The following LRMDA variants were observed in gnomAD, a reference collection of about 807,000 sequenced individuals.
The protein encoded by LRMDA is leucine-rich melanocyte differentiation-associated protein.
LRMDA carries 18 observed loss-of-function variants against 29.8 expected under a neutral mutation model. The ratio of observed to expected loss-of-function variants is 0.60; its 90% confidence interval spans 0.42 to 0.90. LRMDA has a LOEUF of 0.90. Among genes scored for constraint, LRMDA ranks in the 40% least tolerant of loss-of-function variants. LRMDA has a pLI of 0.00. For synonymous variants in LRMDA, 125 were observed against 109.4 expected, an observed-to-expected ratio of 1.14 and a Z score of -0.89; for missense variants, 273 against 273.9, an observed-to-expected ratio of 1.00 and a Z score of 0.02.
intron 2 of LRMDA, among the ~76,000 whole-genome samples, chr10:75,910,838 G>C (rs764744853): frequency 6.6e-6 from 1 of 152,144 alleles, no homozygotes; most frequent in Non-Finnish European, 1.5e-5. Flanking sequence ...GGATACTTCT[G>C]TCCAGGCAAA....
In LRMDA at chr10:75,770,250, C is replaced by T. The variant is rs375801646; in HGVS notation, c.132-265758C>T. ...AGGTGGCATTGAGTTCTGATCTCAC[C>T]ACTGCACTCCAGCCTGGGTGTCTGA... On this transcript the variant is annotated intron_variant, in intron 2 of 6. Transcript: ENST00000611255. Among the ~76,000 whole-genome samples, 18 of 152,184 alleles carry T rather than the reference C, an allele frequency of 1.2e-4. No homozygotes were observed. In the East Asian group the frequency reaches 2.3e-3, roughly 20 times the overall value.
chr10:75,821,607 A>G (rs1844159783), intron 2 of LRMDA, among the ~76,000 whole-genome samples: 2 of 152,038 alleles, frequency 1.3e-5, no homozygotes, highest in African/African-American at 4.8e-5. Context: ...ATCTGTACTA[A>G]AAATACAAAA....
At chr10:76,362,627 C>A (rs935202983) in intron 6 of LRMDA, among the ~76,000 whole-genome samples, 3 of 152,100 alleles carry the variant, frequency 2.0e-5, no homozygotes, top group African/African-American at 7.2e-5. Context: ...TGGGGTTGGG[C>A]TTCAAATGTA....
At chr10:76,325,536 G>A (rs1479632610) in intron 6 of LRMDA, among the ~76,000 whole-genome samples, 3 of 152,126 alleles carry the variant, frequency 2.0e-5, no homozygotes, top group Non-Finnish European at 2.9e-5. Flanking sequence ...CCTTTTGAAG[G>A]TCTTAAGCAT....
intron 5 of LRMDA, among the ~76,000 whole-genome samples, chr10:76,104,247 C>T (rs1048188723): frequency 3.3e-5 from 5 of 152,104 alleles, no homozygotes; most frequent in African/African-American, 4.8e-5. Flanking sequence ...TCTCCAGGGA[C>T]GGCACTATGC....
intron 5 of LRMDA, among the ~76,000 whole-genome samples, chr10:76,146,096 G>T (rs1850312288): frequency 6.6e-6 from 1 of 152,136 alleles, no homozygotes; most frequent in East Asian, 1.9e-4. Flanking sequence ...TTGCTGAGGA[G>T]TGCTTTACTT....
chr10:76,383,595 T>G (rs1342403414), intron 6 of LRMDA, among the ~76,000 whole-genome samples: 4 of 147,218 alleles, frequency 2.7e-5, no homozygotes, highest in Non-Finnish European at 5.9e-5. Flanking sequence ...CACGCCCGGC[T>G]AATTTTTTGT....
chr10:75,900,949 C>A (rs1294246408), intron 2 of LRMDA, among the ~76,000 whole-genome samples: 1 of 152,116 alleles, frequency 6.6e-6, no homozygotes, highest in Non-Finnish European at 1.5e-5. Flanking sequence ...ATACTTGATG[C>A]CAGACATTCA....
intron 2 of LRMDA, among the ~76,000 whole-genome samples, chr10:75,938,955 G>A: frequency 6.6e-6 from 1 of 152,206 alleles, no homozygotes; most frequent in Non-Finnish European, 1.5e-5. Flanking sequence ...GAGGAGGGAA[G>A]CAGCGAACTG....
At position 76,368,349 on chromosome 10, in the gene LRMDA, G is replaced by A. The variant is rs556991978; in HGVS notation, c.601+43864G>A. On this transcript the variant is annotated intron_variant, in intron 6 of 6. Transcript: ENST00000611255. ...TTTTTTTAATTTCCATTTTGATTTC[G>A]TTTTTGACCCAATGTTCATTCAGGA... is the stretch of plus-strand genomic sequence containing the variant. Among the ~76,000 whole-genome samples the A allele has an allele frequency of 5.9e-5, 9 of 152,062 alleles. No individual in the cohort carries two copies. The South Asian group carries it at 1.2e-3, about 21-fold the overall frequency.
At chr10:75,867,749 G>T (rs1053817069) in intron 2 of LRMDA, among the ~76,000 whole-genome samples, 3 of 152,140 alleles carry the variant, frequency 2.0e-5, no homozygotes, top group Non-Finnish European at 4.4e-5. Context: ...CCCTTTCTAG[G>T]TGCTTTGGTC....
intron 5 of LRMDA, among the ~76,000 whole-genome samples, chr10:76,316,632 G>A (rs947633693): frequency 2.0e-5 from 3 of 152,218 alleles, no homozygotes; most frequent in African/African-American, 4.8e-5. Context: ...AGGCTATTGA[G>A]AGGGTTAAAT....
At chr10:76,483,497 G>C (rs1842752502) in intron 6 of LRMDA, among the ~76,000 whole-genome samples, 1 of 151,876 alleles carries the variant, frequency 6.6e-6, no homozygotes. Flanking sequence ...GGTCTTCCAA[G>C]CTTCTCACGG....
chr10:75,595,674 T>C (rs950935765), intron 2 of LRMDA, among the ~76,000 whole-genome samples: 1 of 151,028 alleles, frequency 6.6e-6, no homozygotes, highest in African/African-American at 2.4e-5. Flanking sequence ...AAATTAAGAA[T>C]GATAATTTAA....
chr10:75,547,573 T>G (rs1840094902), intron 2 of LRMDA, among the ~76,000 whole-genome samples: 1 of 152,198 alleles, frequency 6.6e-6, no homozygotes, highest in South Asian at 2.1e-4. Context: ...ATCAAGAATG[T>G]CACATGGCAT....
At position 75,975,767 on chromosome 10, in the gene LRMDA, G is replaced by A. The variant is rs115290639; in HGVS notation, c.132-60241G>A. Among the ~76,000 whole-genome samples, 489 of 152,266 alleles carry A rather than the reference G, an allele frequency of 3.2e-3. 3 individuals carry two copies. The highest frequency in any genetic ancestry group is 0.011 in the African/African-American group (461 of 41,530). ...GTCTGCTCAATATTCTACAGCATCT[G>A]TCTCAGGCTGATGAGCATCCCAGGC... On this transcript the variant is annotated intron_variant, in intron 2 of 6. Coordinates refer to ENST00000611255, the MANE Select transcript of LRMDA (RefSeq NM_001305581.2).
chr10:75,697,954 C>G (rs1025099921), intron 2 of LRMDA, among the ~76,000 whole-genome samples: 3 of 152,044 alleles, frequency 2.0e-5, no homozygotes, highest in African/African-American at 7.3e-5. Context: ...ATGTTGGTTG[C>G]CATCCTAAGT....
chr10:76,399,701 TC>T (rs35019048), intron 6 of LRMDA, among the ~76,000 whole-genome samples: 1 of 152,232 alleles, frequency 6.6e-6, no homozygotes, highest in Admixed American at 6.5e-5. Flanking sequence ...TCTTAACTGC[TC>T]CTGTAGTTCC....
At chr10:75,508,395 C>T (rs1175592816) in intron 2 of LRMDA, among the ~76,000 whole-genome samples, 1 of 152,178 alleles carries the variant, frequency 6.6e-6, no homozygotes, top group Non-Finnish European at 1.5e-5. Context: ...AGTTGACTCT[C>T]AGCCTTTTGG....
Sources: gnomAD v4.1 joint callset for allele counts (sites outside exome capture counted in the v4.1 genomes callset) on GRCh38, gnomAD v4.1.1 for gene constraint, MANE v1.5 for transcripts, NCBI Gene and HGNC (gene_info 2026-07-23, HGNC 2026-07-21) for gene names.